The following LRMDA variants were observed in gnomAD, a reference collection of about 807,000 sequenced individuals.
LRMDA encodes leucine rich melanocyte differentiation associated.
LRMDA carries 18 observed loss-of-function variants against 29.8 expected under a neutral mutation model. The ratio of observed to expected loss-of-function variants is 0.60; its 90% CI spans 0.42 to 0.90. The LOEUF (loss-of-function observed/expected upper bound fraction) is 0.90, where lower values mean the gene tolerates loss of function less well. LRMDA is among the 40% of genes least tolerant of loss of function. LRMDA has a pLI of 0.00. For synonymous variants in LRMDA, 125 were observed against 109.4 expected (o/e 1.14, Z -0.89); for missense variants, 273 against 273.9 (o/e 1.00, Z 0.02).
At chr10:76,058,994 T>C (rs1260404143) in intron 5 of LRMDA, among the ~76,000 whole-genome samples, 1 of 152,182 alleles carries the variant, frequency 6.6e-6, no homozygotes, top group Non-Finnish European at 1.5e-5. Flanking sequence ...GCACTATGCA[T>C]AGCCCAATGG....
intron 2 of LRMDA, among the ~76,000 whole-genome samples, chr10:75,595,509 T>A (rs1840774859): frequency 6.6e-6 from 1 of 150,794 alleles, no homozygotes; most frequent in Non-Finnish European, 1.5e-5. Flanking sequence ...TACATATTTA[T>A]GTATGTTTAT....
chr10:76,546,878 A>G (rs1324924277), intron 6 of LRMDA, among the ~76,000 whole-genome samples: 6 of 152,208 alleles, frequency 3.9e-5, no homozygotes, highest in Non-Finnish European at 2.9e-5. Context: ...TCCAGGTATG[A>G]AAATAGTTAC....
At chr10:75,751,311 G>A (rs1842966633) in intron 2 of LRMDA, among the ~76,000 whole-genome samples, 1 of 151,526 alleles carries the variant, frequency 6.6e-6, no homozygotes, top group African/African-American at 2.4e-5. Context: ...TGTGGAGAGA[G>A]AGGGAGAGGG....
At chr10:75,924,993 T>C (rs1178193639) in intron 2 of LRMDA, among the ~76,000 whole-genome samples, 1 of 152,202 alleles carries the variant, frequency 6.6e-6, no homozygotes, top group African/African-American at 2.4e-5. Flanking sequence ...CAAGTGCACC[T>C]CGGGTTGCCT....
chr10:76,526,716 C>T (rs11001805), intron 6 of LRMDA, among the ~76,000 whole-genome samples: 39,981 of 151,138 alleles, frequency 0.26, 5,954 homozygotes, highest in Non-Finnish European at 0.34. Context: ...CACCTTGTTA[C>T]AGAAGAGTAT....
intron 2 of LRMDA, among the ~76,000 whole-genome samples, chr10:75,923,179 C>A (rs922476352): frequency 1.3e-5 from 2 of 152,154 alleles, no homozygotes; most frequent in Non-Finnish European, 2.9e-5. Context: ...TATTCTTTGT[C>A]ATTGCGGCTT....
intron 2 of LRMDA, among the ~76,000 whole-genome samples, chr10:75,845,356 T>C (rs540691110): frequency 2.2e-4 from 34 of 152,354 alleles, no homozygotes; most frequent in African/African-American, 7.7e-4. Flanking sequence ...AGCTATATTA[T>C]ACCAGACATA....
At chr10:75,928,822 A>G (rs944004780) in intron 2 of LRMDA, among the ~76,000 whole-genome samples, 2 of 152,072 alleles carry the variant, frequency 1.3e-5, no homozygotes, top group Non-Finnish European at 2.9e-5. Context: ...TCTGGCACCC[A>G]GTGGCTCTGT....
At chr10:75,567,331 A>C (rs1469003673) in intron 2 of LRMDA, among the ~76,000 whole-genome samples, 2 of 152,176 alleles carry the variant, frequency 1.3e-5, no homozygotes, top group African/African-American at 4.8e-5. Flanking sequence ...TGCTAGGCCA[A>C]ACTGTGGCCC....
chr10:75,523,988 C>T (rs1845388731), intron 2 of LRMDA, among the ~76,000 whole-genome samples: 1 of 152,158 alleles, frequency 6.6e-6, no homozygotes, highest in Non-Finnish European at 1.5e-5. Context: ...TCACTCCGAG[C>T]TTTGGTTTTC....
chr10:75,798,832 A>G (rs1843697958), intron 2 of LRMDA, among the ~76,000 whole-genome samples: 4 of 152,152 alleles, frequency 2.6e-5, no homozygotes. Flanking sequence ...ATCACTATAT[A>G]CATTACATGT....
chr10:76,493,486 G>A (rs2132337517), intron 6 of LRMDA, among the ~76,000 whole-genome samples: 1 of 152,146 alleles, frequency 6.6e-6, no homozygotes, highest in Non-Finnish European at 1.5e-5. Flanking sequence ...TTTTTAAGAA[G>A]ATTATCCTTT....
At chr10:76,123,966 T>G (rs1275541437) in intron 5 of LRMDA, among the ~76,000 whole-genome samples, 1 of 152,198 alleles carries the variant, frequency 6.6e-6, no homozygotes, top group Non-Finnish European at 1.5e-5. Flanking sequence ...CAACAGTGCT[T>G]TAGCTTGTTC....
At chr10:75,655,125 C>T (rs113240469) in intron 2 of LRMDA, among the ~76,000 whole-genome samples, 3 of 152,282 alleles carry the variant, frequency 2.0e-5, no homozygotes, top group African/African-American at 7.2e-5. Context: ...CTTTGAGAAC[C>T]TCGACATTTT....
At chr10:76,367,475 A>G (rs934808332) in intron 6 of LRMDA, among the ~76,000 whole-genome samples, 1 of 151,166 alleles carries the variant, frequency 6.6e-6, no homozygotes, top group Non-Finnish European at 1.5e-5. Flanking sequence ...CCCTGGCTGG[A>G]GTGCAATGGC....
chr10:76,160,098 AG>A (rs1343786227), intron 5 of LRMDA, among the ~76,000 whole-genome samples: 1 of 152,046 alleles, frequency 6.6e-6, no homozygotes, highest in Non-Finnish European at 1.5e-5. Flanking sequence ...GATGTTGATA[AG>A]GGGGGAGGCT....
At chr10:75,572,576 A>G (rs1009126532) in intron 2 of LRMDA, among the ~76,000 whole-genome samples, 5 of 152,228 alleles carry the variant, frequency 3.3e-5, no homozygotes, top group Non-Finnish European at 4.4e-5. Context: ...AATTTTGTAC[A>G]TCTTTCAGTG....
intron 2 of LRMDA, among the ~76,000 whole-genome samples, chr10:75,498,495 C>T (rs754691078): frequency 2.6e-5 from 4 of 152,160 alleles, no homozygotes; most frequent in Non-Finnish European, 4.4e-5. Flanking sequence ...CGTGTGTGTG[C>T]ATCAAGTCCC....
Position 76,488,612 on chromosome 10 carries a change from C to T in LRMDA, c.602-68597C>T, listed in dbSNP as rs1214180712. On this transcript the variant is annotated intron_variant, in intron 6 of 6. Coordinates refer to ENST00000611255, the MANE Select transcript of LRMDA (RefSeq NM_001305581.2). ...ATTTTTAACTTTATTAAAAATAAAG[C>T]AGCCATGAATATTAGTGTATGCATG... 2.0e-5 allele frequency among the ~76,000 whole-genome samples: 3 copies of T among 151,914 alleles called. No individual in the cohort carries two copies. The South Asian group carries it at 6.2e-4, about 32-fold the overall frequency.
Sources: gnomAD v4.1 joint callset for allele counts (sites outside exome capture counted in the v4.1 genomes callset) on GRCh38, gnomAD v4.1.1 for gene constraint, MANE v1.5 for transcripts, NCBI Gene and HGNC (gene_info 2026-07-23, HGNC 2026-07-21) for gene names.